PCDHA4: variants seen among roughly 807,000 people sequenced by gnomAD.
PCDHA4 encodes the protein protocadherin alpha 4.
In PCDHA4, 49 loss-of-function variants were observed where a neutral mutation model predicts 61.4. The observed-to-expected ratio is 0.80, with a 90% CI of 0.63 to 1.01. PCDHA4 has a LOEUF of 1.01. PCDHA4 is among the 50% of genes least tolerant of loss of function. The pLI, the probability that PCDHA4 is intolerant of heterozygous loss-of-function variation, is 0.00. For synonymous variants in PCDHA4, 590 were observed against 550.3 expected, an observed-to-expected ratio of 1.07 and a Z score of -1.01; for missense variants, 1,254 against 1,235.8, an observed-to-expected ratio of 1.01 and a Z score of -0.22.
chr5:140,907,641 C>T (rs2073511625), intron 1 of PCDHA4, among the ~76,000 whole-genome samples: 1 of 152,212 alleles, frequency 6.6e-6, no homozygotes, highest in Non-Finnish European at 1.5e-5. Context: ...CTGCTGCTGG[C>T]AAATTGGGCA....
chr5:140,870,774 G>GAACGAC (rs781868424), intron 1 of PCDHA4: 1 of 1,613,632 alleles, frequency 6.2e-7, no homozygotes, highest in South Asian at 1.1e-5. Context: ...TGCTGGACGA[G>GAACGAC]AACGACAACG....
intron 1 of PCDHA4, among the ~76,000 whole-genome samples, chr5:140,898,648 G>A (rs1436511217): frequency 6.6e-6 from 1 of 152,136 alleles, no homozygotes; most frequent in Non-Finnish European, 1.5e-5. Flanking sequence ...TGTTCTTTTG[G>A]CTTAGGATTG....
At chr5:140,984,680 AT>A (rs1180119303) in intron 3 of PCDHA4, among the ~76,000 whole-genome samples, 1 of 152,158 alleles carries the variant, frequency 6.6e-6, no homozygotes, top group East Asian at 1.9e-4. Context: ...TTAGGACTCA[AT>A]ATATGTTCTG....
At chr5:140,829,160 T>C (rs2150163172) in intron 1 of PCDHA4, 3 of 1,613,966 alleles carry the variant, frequency 1.9e-6, no homozygotes, top group Non-Finnish European at 2.5e-6. Context: ...TTCCTTATCC[T>C]TGCCTGTACG....
At chr5:140,843,673 T>C (rs1779033196) in intron 1 of PCDHA4, 1 of 1,592,546 alleles carries the variant, frequency 6.3e-7, no homozygotes, top group South Asian at 1.1e-5. Flanking sequence ...GATCAGTTGA[T>C]GTAGGCGAAG....
chr5:140,838,630 TG>T (rs1775811186), intron 1 of PCDHA4, among the ~76,000 whole-genome samples: 3 of 152,046 alleles, frequency 2.0e-5, no homozygotes, highest in African/African-American at 7.3e-5. Flanking sequence ...ACAAATAATT[TG>T]GTTGGTCAAA....
intron 1 of PCDHA4, chr5:140,841,814 A>G: frequency 6.2e-7 from 1 of 1,613,908 alleles, no homozygotes; most frequent in Non-Finnish European, 8.5e-7. Context: ...TGTTGGAGCT[A>G]ACTCCGTGTT....
intron 1 of PCDHA4, chr5:140,969,064 C>G: frequency 6.2e-7 from 1 of 1,614,136 alleles, no homozygotes; most frequent in Non-Finnish European, 8.5e-7. Context: ...ATATTGATGC[C>G]AGGATACCGC....
rs150205860 is a variant in PCDHA4 at position 140,883,142 on chromosome 5, G to T, written c.2385+73570G>T. The T allele has an allele frequency of 3.1e-6, 5 of 1,613,886 alleles. No individual in the cohort carries two copies. In the African/African-American group the frequency reaches 6.7e-5, roughly 22 times the overall value. On this transcript the variant is annotated intron_variant, in intron 1 of 3. Transcript: ENST00000530339. ...GCCTGTATGGCCTGCAGTGGTATAT[G>T]CATTTACCATAAATCCGAACAATGG...
chr5:140,963,570 G>A (rs1011231723), intron 1 of PCDHA4, among the ~76,000 whole-genome samples: 6 of 152,180 alleles, frequency 3.9e-5, no homozygotes, highest in African/African-American at 1.2e-4. Flanking sequence ...TTCTGGTTTT[G>A]TTCTCAAAAT....
chr5:140,966,488 C>G (rs1161799910), intron 1 of PCDHA4: 7 of 440,132 alleles, frequency 1.6e-5, no homozygotes, highest in East Asian at 1.1e-4. Context: ...TTTCCCTCCC[C>G]CTGGAGCTGT....
At chr5:140,997,816 T>C (rs1363819907) in intron 3 of PCDHA4, among the ~76,000 whole-genome samples, 1 of 152,232 alleles carries the variant, frequency 6.6e-6, no homozygotes, top group African/African-American at 2.4e-5. Flanking sequence ...TGTTGGTATC[T>C]ATGTTTTCTA....
chr5:140,828,082 G>T (rs369653273), intron 1 of PCDHA4: 1 of 1,582,914 alleles, frequency 6.3e-7, no homozygotes, highest in Non-Finnish European at 8.6e-7. Flanking sequence ...TAAAACCAGA[G>T]GTATTTGACA....
Position 140,849,328 on chromosome 5 carries a change from T to C in PCDHA4, c.2385+39756T>C, listed in dbSNP as rs2150435086. ...GACGAAGGCTTGAATGGGGATATTA[T>C]TTACTCCTTCTCCAGTGATGTTTCT... is the stretch of plus-strand genomic sequence containing the variant. On this transcript the variant is annotated intron_variant, in intron 1 of 3. Transcript: ENST00000530339. 1,235 of 1,370,890 alleles carry C rather than the reference T, an allele frequency of 9.0e-4. 32 individuals carry two copies. In the African/African-American group the frequency reaches 0.018, roughly 20 times the overall value. 84.9% of individuals were successfully genotyped at this position (1,370,890 alleles called of 1,614,324 possible). A position where few individuals can be genotyped will look rare whatever the true frequency, so the allele number is the denominator to read the frequency against.
chr5:140,836,615 G>T (rs2150265724), intron 1 of PCDHA4: 33 of 1,613,516 alleles, frequency 2.0e-5, no homozygotes, highest in Non-Finnish European at 4.2e-6. Context: ...GCTCCAGCGC[G>T]GTGGGGAGCT....
At chr5:140,871,043 T>A (rs763700203) in intron 1 of PCDHA4, 1 of 1,613,370 alleles carries the variant, frequency 6.2e-7, no homozygotes, top group Non-Finnish European at 8.5e-7. Context: ...CACCGACTTC[T>A]AGTACTGGTG....
intron 1 of PCDHA4, chr5:140,969,231 C>A (rs782084659): frequency 6.2e-7 from 1 of 1,614,110 alleles, no homozygotes; most frequent in Non-Finnish European, 8.5e-7. Context: ...CCTTCGGGAG[C>A]CCAAGCAGCA....
chr5:140,930,037 GC>G (rs2086548182), intron 1 of PCDHA4: 6 of 152,140 alleles, frequency 3.9e-5, no homozygotes, highest in African/African-American at 1.4e-4. Flanking sequence ...TTTTGTAACT[GC>G]TTTGGAGTTT....
At chr5:140,836,206 C>A (rs1554135734) in intron 1 of PCDHA4, 3 of 1,613,832 alleles carry the variant, frequency 1.9e-6, no homozygotes, top group Middle Eastern at 1.6e-4. Context: ...GCGTGGCTTT[C>A]GTATGAGTTG....
Sources: gnomAD v4.1 joint callset for allele counts (sites outside exome capture counted in the v4.1 genomes callset) on GRCh38, gnomAD v4.1.1 for gene constraint, MANE v1.5 for transcripts, NCBI Gene and HGNC (gene_info 2026-07-23, HGNC 2026-07-21) for gene names.